Variants in PBRM1 observed in about 807,000 individuals in gnomAD.
The protein encoded by PBRM1 is polybromo 1, also known as protein polybromo-1.
PBRM1 carries 27 observed loss-of-function variants against 194.5 expected under a neutral mutation model. The observed-to-expected ratio is 0.14, with a 90% CI of 0.10 to 0.19. The LOEUF (loss-of-function observed/expected upper bound fraction) is 0.19, where lower values mean the gene tolerates loss of function less well. PBRM1 is among the 10% of genes least tolerant of loss of function. The pLI is 1.00. For synonymous variants in PBRM1, 655 were observed against 693.2 expected, an observed-to-expected ratio of 0.94 and a Z score of 0.87; for missense variants, 1,466 against 2,077.2, an observed-to-expected ratio of 0.71 and a Z score of 5.72.
intron 11 of PBRM1, among the ~76,000 whole-genome samples, chr3:52,632,309 T>C (rs886859276): frequency 9.2e-5 from 14 of 151,920 alleles, no homozygotes; most frequent in African/African-American, 3.1e-4. Context: ...AAAGGCCGGG[T>C]ATGGTGGCTC....
At chr3:52,637,660 G>A (rs938400782) in intron 10 of PBRM1, among the ~76,000 whole-genome samples, 1 of 150,614 alleles carries the variant, frequency 6.6e-6, no homozygotes, top group South Asian at 2.1e-4. Context: ...GGGCGCAGTA[G>A]CTCATGCTTG....
chr3:52,609,981 T>C lies in PBRM1; in HGVS notation c.1925-26A>G. The C allele has an allele frequency of 7.4e-7, 1 of 1,354,620 alleles. No homozygotes were observed. The highest frequency in any genetic ancestry group is 9.9e-7 in the Non-Finnish European group (1 of 1,009,544). 83.9% of individuals were successfully genotyped at this position (1,354,620 alleles called of 1,614,324 possible). A position where few individuals can be genotyped will look rare whatever the true frequency, so the allele number is the denominator to read the frequency against. ...CTAAAGAGAGATATTTAATGTTAAA[T>C]GAATAAAATAAATGAACCTAAATTT... is the stretch of plus-strand genomic sequence containing the variant. On this transcript the variant is annotated intron_variant, in intron 15 of 29. Transcript: ENST00000296302. The surrounding 1 kb of genome is among the most constrained non-coding windows in gnomAD (Gnocchi z 4.1).
chr3:52,609,226 G>C lies in PBRM1; in HGVS notation c.2567+87C>G. 1 of 1,045,010 alleles carries C rather than the reference G, an allele frequency of 9.6e-7. No homozygotes were observed. Among genetic ancestry groups the C allele is most frequent in the Non-Finnish European group, 1.4e-6 (1 of 706,394 alleles). The allele number at this position is 1,045,010 out of a possible 1,614,324, so 64.7% of individuals were successfully genotyped here. A position where few individuals can be genotyped will look rare whatever the true frequency, so the allele number is the denominator to read the frequency against. On this transcript the variant is annotated intron_variant, in intron 16 of 29. Transcript: ENST00000296302. The surrounding 1 kb of genome is among the most constrained non-coding windows in gnomAD (Gnocchi z 4.1). ...CAACTACAAATCATGTATGTAAGTG[G>C]AAATAGTACATCAAAGCAATATTCT...
chr3:52,642,284 T>C (rs1222619049), intron 9 of PBRM1, among the ~76,000 whole-genome samples: 1 of 152,182 alleles, frequency 6.6e-6, no homozygotes, highest in Non-Finnish European at 1.5e-5. Context: ...CAGTTGCTGA[T>C]AATTATCTTC....
upstream of PBRM1, among the ~76,000 whole-genome samples, chr3:52,680,891 C>A (rs148668611): frequency 3.3e-5 from 5 of 151,990 alleles, no homozygotes; most frequent in African/African-American, 1.2e-4. Flanking sequence ...AATCTCTTGA[C>A]CTCGTGATCC....
intron 9 of PBRM1, among the ~76,000 whole-genome samples, chr3:52,642,849 C>T (rs1194721035): frequency 1.3e-5 from 2 of 150,728 alleles, no homozygotes; most frequent in African/African-American, 4.9e-5. Flanking sequence ...TGCTGTGCCA[C>T]GATGTCGGCT....
chr3:52,611,933 A>T (rs1160610316), intron 15 of PBRM1, among the ~76,000 whole-genome samples: 1 of 152,066 alleles, frequency 6.6e-6, no homozygotes, highest in African/African-American at 2.4e-5. Context: ...AAGGGGTGGA[A>T]AAAGAGAGAG....
At chr3:52,600,087 T>C (rs1006258223) in intron 17 of PBRM1, among the ~76,000 whole-genome samples, 6 of 152,282 alleles carry the variant, frequency 3.9e-5, no homozygotes, top group Admixed American at 2.6e-4. Flanking sequence ...GTTGCATTTA[T>C]AGAATGTGTA....
intron 17 of PBRM1, among the ~76,000 whole-genome samples, chr3:52,595,419 T>A (rs2093453757): frequency 6.6e-6 from 1 of 152,212 alleles, no homozygotes; most frequent in Non-Finnish European, 1.5e-5. Flanking sequence ...CATTGTTTGT[T>A]CTGATGATCA....
At position 52,609,238 on chromosome 3, in the gene PBRM1, C is replaced by A. The variant is rs2094496337; in HGVS notation, c.2567+75G>T. The A allele has an allele frequency of 1.7e-6, 2 of 1,178,378 alleles. No homozygotes were observed. The highest frequency in any genetic ancestry group is 1.5e-5 in the African/African-American group (1 of 65,338). 73.0% of individuals were successfully genotyped at this position (1,178,378 alleles called of 1,614,324 possible). A position where few individuals can be genotyped will look rare whatever the true frequency, so the allele number is the denominator to read the frequency against. On this transcript the variant is annotated intron_variant, in intron 16 of 29. Transcript: ENST00000296302. This position sits in a 1 kb window ranked among gnomAD's most constrained non-coding sequence, Gnocchi z 4.1. ...ATGTATGTAAGTGGAAATAGTACAT[C>A]AAAGCAATATTCTTTCATCTGTTTT...
chr3:52,559,104 C>T (rs926472633), intron 25 of PBRM1, among the ~76,000 whole-genome samples: 16 of 152,152 alleles, frequency 1.1e-4, no homozygotes, highest in Non-Finnish European at 1.8e-4. Context: ...TAAATAAACA[C>T]GTATGTAGCA....
At chr3:52,588,919 T>C in intron 18 of PBRM1, 151 bp downstream of exon 20, 2 of 598,224 alleles carry the variant, frequency 3.3e-6, no homozygotes, top group Non-Finnish European at 5.9e-6. Flanking sequence ...GTTTTTCATA[T>C]GATGGGTGCT....
chr3:52,587,113 T>C (rs192924016), intron 19 of PBRM1, among the ~76,000 whole-genome samples: 66 of 152,306 alleles, frequency 4.3e-4, no homozygotes, highest in Admixed American at 4.3e-3. Context: ...AAAATTAGCC[T>C]GGCAATATTA....
chr3:52,559,745 T>C (rs2083024885), intron 25 of PBRM1, among the ~76,000 whole-genome samples: 2 of 151,876 alleles, frequency 1.3e-5, no homozygotes, highest in South Asian at 4.2e-4. Flanking sequence ...GTTGCCTGCA[T>C]AGCCTTATCA....
At chr3:52,568,852 C>G (rs549822258) in intron 22 of PBRM1, among the ~76,000 whole-genome samples, 1 of 152,176 alleles carries the variant, frequency 6.6e-6, no homozygotes, top group South Asian at 2.1e-4. Context: ...AAGGATAGAT[C>G]CCCTTTCACT....
intron 5 of PBRM1, among the ~76,000 whole-genome samples, chr3:52,654,103 T>C (rs897335825): frequency 4.6e-5 from 7 of 152,172 alleles, no homozygotes; most frequent in Non-Finnish European, 1.0e-4. Context: ...ATATCAAAAG[T>C]TGGTCTTATC....
upstream of PBRM1, chr3:52,685,845 G>A (rs2097305326): frequency 2.0e-6 from 1 of 489,376 alleles, no homozygotes; most frequent in Non-Finnish European, 3.6e-6. Flanking sequence ...CTCCGGCCGC[G>A]GCCGCTGCCG....
At chr3:52,591,464 C>T (rs1488569235) in intron 17 of PBRM1, among the ~76,000 whole-genome samples, 1 of 147,110 alleles carries the variant, frequency 6.8e-6, no homozygotes, top group East Asian at 2.0e-4. Context: ...TTTAATATGT[C>T]AAAAAGCCTT....
chr3:52,545,578 C>G (rs2153273625), downstream of PBRM1: 1 of 233,044 alleles, frequency 4.3e-6, no homozygotes, highest in East Asian at 6.0e-5. Flanking sequence ...AGGTGCCCCT[C>G]TCAATTCTTC....
Sources: gnomAD v4.1 joint callset for allele counts (sites outside exome capture counted in the v4.1 genomes callset) on GRCh38, gnomAD v4.1.1 for gene constraint, Gnocchi (gnomAD v3.1) non-coding constraint, MANE v1.5 for transcripts, NCBI Gene and HGNC (gene_info 2026-07-23, HGNC 2026-07-21) for gene names.